PODXL: variants seen among roughly 807,000 people sequenced by gnomAD.
PODXL encodes the protein podocalyxin.
Under a neutral mutation model 48.9 loss-of-function variants are expected in PODXL, and 20 were observed. That is an observed-to-expected ratio of 0.41 (90% CI 0.29 to 0.59). The LOEUF (loss-of-function observed/expected upper bound fraction) is 0.59. Ranked by LOEUF, PODXL falls within the 20% of genes least tolerant of loss-of-function variation. The probability of loss-of-function intolerance (pLI) is 0.31; values close to 1 mark genes in which losing one functional copy is unlikely to be tolerated. For missense variants in PODXL, 606 were observed against 675.1 expected (o/e 0.90, Z 1.13); for synonymous variants, 295 against 287.4 (o/e 1.03, Z -0.27).
rs1797908970 is a variant in PODXL, at chr7:131,511,247, G to A, written c.287C>T (p.Ala96Val). The change falls in exon 2 of 9, where the codon GCT becomes GTT. Residue 96 changes from alanine (A) to valine (V), a missense_variant. Ala to Val is a moderately conservative substitution (Grantham distance 64, BLOSUM62 0). Transcript: ENST00000378555. Reference protein sequence around the residue: ...SSDSPGTTTLAQQVSGPVNTT... With the variant: ...SSDSPGTTTLVQQVSGPVNTT... ...GTTGACTGGGCCTGAGACTTGCTGA[G>A]CCAGGGTTGTAGTCCCCGGTGAGTC... 1 of 1,613,966 alleles carries A rather than the reference G, an allele frequency of 6.2e-7. No homozygotes were observed. The highest frequency in any genetic ancestry group is 8.5e-7 in the Non-Finnish European group (1 of 1,180,002).
At position 131,501,010 on chromosome 7, in the gene PODXL, A is replaced by T. The variant is rs995071214; in HGVS notation, c.*3301T>A. The T allele has an allele frequency of 6.6e-6, 1 of 152,208 alleles. No individual in the cohort carries two copies. Among genetic ancestry groups the T allele is most frequent in the African/African-American group, 2.4e-5 (1 of 41,436 alleles). The allele number at this position is 152,208 out of a possible 1,614,324, so 9.4% of individuals were successfully genotyped here. A position where few individuals can be genotyped will look rare whatever the true frequency, so the allele number is the denominator to read the frequency against. ...TTGAAATACCTTTCTCCATGACTAC[A>T]GGGTTGCCTGCCAACCAGAGCATAT... On this transcript the variant is annotated 3_prime_UTR_variant, in exon 9 of 9. Coordinates refer to ENST00000378555, the MANE Select transcript of PODXL (RefSeq NM_001018111.3).
At position 131,538,748 on chromosome 7, in the gene PODXL, G is replaced by A. The variant is rs146005333; in HGVS notation, c.100+17512C>T. Reference sequence around the variant, plus strand: ...ACTCCCCATCCTGCTCCCCACTCCCGCTCCCACTGTTGTTGCTGTTGCTAA... The same window carrying A: ...ACTCCCCATCCTGCTCCCCACTCCCACTCCCACTGTTGTTGCTGTTGCTAA... On this transcript the variant is annotated intron_variant, in intron 1 of 8. Coordinates refer to ENST00000378555, the MANE Select transcript of PODXL (RefSeq NM_001018111.3). 2.5e-3 allele frequency among the ~76,000 whole-genome samples: 384 copies of A among 151,896 alleles called. 2 individuals carry two copies. Among genetic ancestry groups the A allele is most frequent in the African/African-American group, 6.8e-3 (282 of 41,392 alleles).
intron 1 of PODXL, among the ~76,000 whole-genome samples, chr7:131,541,876 G>C (rs1429433863): frequency 2.0e-5 from 3 of 152,136 alleles, no homozygotes; most frequent in Non-Finnish European, 4.4e-5. Context: ...GCACCGCCTA[G>C]GGAAGTGAAT....
intron 1 of PODXL, among the ~76,000 whole-genome samples, chr7:131,513,535 G>C (rs1211269314): frequency 6.6e-6 from 1 of 152,236 alleles, no homozygotes; most frequent in African/African-American, 2.4e-5. Context: ...CTATGTTGAT[G>C]CTCCTATGAA....
chr7:131,505,809 G>C (rs1300521274), intron 8 of PODXL, 59 bp downstream of exon 8: 1 of 1,464,594 alleles, frequency 6.8e-7, no homozygotes, highest in Non-Finnish European at 9.2e-7. Flanking sequence ...AATCACGAGG[G>C]GAGGGTTCCT....
At position 131,500,406 on chromosome 7, in the gene PODXL, A is replaced by G. The variant is rs1402216498; in HGVS notation, c.*3905T>C. 1 of 152,682 alleles carries G rather than the reference A, an allele frequency of 6.5e-6. No homozygotes were observed. Among genetic ancestry groups the G allele is most frequent in the Non-Finnish European group, 1.5e-5 (1 of 68,050 alleles). 9.5% of individuals were successfully genotyped at this position (152,682 alleles called of 1,614,324 possible). A position where few individuals can be genotyped will look rare whatever the true frequency, so the allele number is the denominator to read the frequency against. ...TCCAGTGTACTTCAGACCCCTGTCC[A>G]CTAAGACATATATGATCCCCCAGTT... On this transcript the variant is annotated 3_prime_UTR_variant, in exon 9 of 9. Coordinates refer to ENST00000378555, the MANE Select transcript of PODXL (RefSeq NM_001018111.3).
intron 1 of PODXL, among the ~76,000 whole-genome samples, chr7:131,514,398 G>A (rs1797961346): frequency 6.6e-6 from 1 of 152,098 alleles, no homozygotes; most frequent in South Asian, 2.1e-4. Context: ...GGGTGACAGA[G>A]TGAGACACAG....
chr7:131,510,334 TGAAAAA>T lies in PODXL; in HGVS notation c.707-9_707-4del. On this transcript the variant is annotated splice_region_variant and splice_polypyrimidine_tract_variant and intron_variant, in intron 2 of 8. Coordinates refer to ENST00000378555, the MANE Select transcript of PODXL (RefSeq NM_001018111.3). Reference sequence around the variant, plus strand: ...GACATGGTGAAACACTGTCTCTACTTGAAAAAAAAAAAAAAAAAAAAAAAAAAATTA... The same window carrying T: ...GACATGGTGAAACACTGTCTCTACTTAAAAAAAAAAAAAAAAAAAAAATTA... 1.6e-4 allele frequency: 13 copies of T among 83,298 alleles called. No individual in the cohort carries two copies. The highest frequency in any genetic ancestry group is 2.3e-4 in the Admixed American group (1 of 4,290). 5.2% of individuals were successfully genotyped at this position (83,298 alleles called of 1,614,324 possible).
Position 131,510,511 on chromosome 7 carries a change from A to AAAAT in PODXL, c.707-184_707-181dup, listed in dbSNP as rs551667780. 8.3e-3 allele frequency among the ~76,000 whole-genome samples: 1,250 copies of AAAAT among 151,416 alleles called. 9 individuals carry two copies. The highest frequency in any genetic ancestry group is 0.028 in the African/African-American group (1,141 of 41,250). On this transcript the variant is annotated intron_variant, in intron 2 of 8. Transcript: ENST00000378555. Reference sequence around the variant, plus strand: ...GGTGACAGAGCGAGACTCCATCTCAAAAATAAATAAATAAATAAATAAATA... The same window carrying AAAAT: ...GGTGACAGAGCGAGACTCCATCTCAAAAATAAATAAATAAATAAATAAATAAATA...
In PODXL at chr7:131,511,063, G is replaced by C; in HGVS notation, c.471C>G (p.Asn157Lys). ...SSQNGAEDTT[N>K]SGGKSSHSVT... ...CACTGTGGCTGCTTTTCCCCCCAGAGTTTGTTGTATCTTCTGCTCCATTCT... is the reference window on the plus strand; with the variant it reads ...CACTGTGGCTGCTTTTCCCCCCAGACTTTGTTGTATCTTCTGCTCCATTCT... The change falls in exon 2 of 9, where the codon AAC becomes AAG. Residue 157 changes from asparagine to lysine, a missense_variant. By Grantham distance (94) the Asn-to-Lys change is moderately conservative (BLOSUM62 0). Coordinates refer to ENST00000378555, the MANE Select transcript of PODXL (RefSeq NM_001018111.3). 2 of 1,614,102 alleles carry C rather than the reference G, an allele frequency of 1.2e-6. No individual in the cohort carries two copies. The highest frequency in any genetic ancestry group is 1.7e-6 in the Non-Finnish European group (2 of 1,180,026).
At position 131,511,408 on chromosome 7, in the gene PODXL, A is replaced by C; in HGVS notation, c.126T>G (p.Ser42=). Residue 42 remains serine (S), a synonymous_variant, in exon 2 of 9, where the codon TCT becomes TCG. Coordinates refer to ENST00000378555, the MANE Select transcript of PODXL (RefSeq NM_001018111.3). ...ATGCTGGAGTCGGTGCTGTTTTGTTAGATGAGTCCGTAGTAGTCTGGGTTG... is the reference window on the plus strand; with the variant it reads ...ATGCTGGAGTCGGTGCTGTTTTGTTCGATGAGTCCGTAGTAGTCTGGGTTG... ...QNATQTTTDS[S]NKTAPTPASS... is the part of the protein sequence containing the mutation. 6.2e-7 allele frequency: 1 copy of C among 1,601,938 alleles called. No homozygotes were observed. The highest frequency in any genetic ancestry group is 8.5e-7 in the Non-Finnish European group (1 of 1,179,890).
intron 1 of PODXL, among the ~76,000 whole-genome samples, chr7:131,518,473 T>C (rs1798037930): frequency 6.6e-6 from 1 of 152,130 alleles, no homozygotes; most frequent in Non-Finnish European, 1.5e-5. Flanking sequence ...ACTGGCAACA[T>C]TAGTATTGGA....
chr7:131,547,374 CAAAA>C (rs10683140), intron 1 of PODXL, among the ~76,000 whole-genome samples: 3 of 68,974 alleles, frequency 4.3e-5, no homozygotes, highest in East Asian at 4.8e-4. Context: ...AACTCCGTCT[CAAAA>C]AAAAAAAAAA....
intron 5 of PODXL, chr7:131,506,957 G>C (rs1456015290): frequency 1.7e-6 from 1 of 573,906 alleles, no homozygotes; most frequent in Non-Finnish European, 3.1e-6. Context: ...CCCGTTCTCC[G>C]CACTGTGTTT....
chr7:131,522,070 TC>T (rs1486968138), intron 1 of PODXL, among the ~76,000 whole-genome samples: 1 of 152,176 alleles, frequency 6.6e-6, no homozygotes, highest in African/African-American at 2.4e-5. Flanking sequence ...AAGCTCAGCT[TC>T]CCAGGGCCTG....
At chr7:131,513,663 C>CATCATGCA (rs1797951332) in intron 1 of PODXL, among the ~76,000 whole-genome samples, 1 of 152,148 alleles carries the variant, frequency 6.6e-6, no homozygotes, top group African/African-American at 2.4e-5. Flanking sequence ...GGAGTGGTGA[C>CATCATGCA]ATCATGCATG....
At chr7:131,512,013 C>T (rs191305048) in intron 1 of PODXL, among the ~76,000 whole-genome samples, 7 of 152,338 alleles carry the variant, frequency 4.6e-5, no homozygotes, top group Admixed American at 2.0e-4. Flanking sequence ...CTAATGCTTC[C>T]TGAACTGCCC....
chr7:131,527,177 A>G (rs1365123698), intron 1 of PODXL, among the ~76,000 whole-genome samples: 1 of 152,050 alleles, frequency 6.6e-6, no homozygotes, highest in African/African-American at 2.4e-5. Flanking sequence ...TGATAGTAGT[A>G]GAGTACAGTT....
chr7:131,510,856 G>C lies in PODXL; in HGVS notation c.678C>G (p.Phe226Leu). 1 of 1,614,172 alleles carries C rather than the reference G, an allele frequency of 6.2e-7. No homozygotes were observed. The highest frequency in any genetic ancestry group is 8.5e-7 in the Non-Finnish European group (1 of 1,180,012). ...GGGTGGTGGTCATCCCCGGGCTTGT[G>C]AAGGTGTAGCCAGGGATAGCCACAG... ...SSTVAIPGYT[F>L]TSPGMTTTLL... Residue 226 changes from phenylalanine to leucine, a missense_variant, in exon 2 of 9, where the codon TTC becomes TTG. Transcript: ENST00000378555.
Sources: allele counts gnomAD v4.1 joint callset (sites outside exome capture counted in the v4.1 genomes callset), GRCh38; gene constraint gnomAD v4.1.1; transcripts MANE v1.5; gene names NCBI Gene and HGNC (gene_info 2026-07-23, HGNC 2026-07-21).